Variants in B3GAT2 observed in about 807,000 individuals in gnomAD.
B3GAT2 encodes the protein galactosylgalactosylxylosylprotein 3-beta-glucuronosyltransferase 2.
In B3GAT2, 26 loss-of-function variants were observed where a neutral mutation model predicts 27.8. That is an observed-to-expected ratio of 0.93 (90% confidence interval 0.68 to 1.30). The LOEUF (loss-of-function observed/expected upper bound fraction) is 1.30. Ranked by LOEUF, B3GAT2 falls within the 50% of genes most tolerant of loss-of-function variation. The pLI is 0.00. For synonymous variants in B3GAT2, 218 were observed against 195.1 expected, an observed-to-expected ratio of 1.12 and a Z score of -0.98; for missense variants, 458 against 459.0, an observed-to-expected ratio of 1.00 and a Z score of 0.02.
At position 70,923,099 on chromosome 6, in the gene B3GAT2, A is replaced by G. The variant is rs76505613; in HGVS notation, c.592-28827T>C. ...AAGTACCATATAAGTGTCTTCTGTC[A>G]TCATTGTCATCAGCATCATCATCAA... On this transcript the variant is annotated intron_variant, in intron 1 of 3. Coordinates refer to ENST00000230053, the MANE Select transcript of B3GAT2 (RefSeq NM_080742.3). Among the ~76,000 whole-genome samples, 101 of 152,332 alleles carry G rather than the reference A, an allele frequency of 6.6e-4. No homozygotes were observed. The East Asian group carries it at 0.013, about 20-fold the overall frequency.
At chr6:70,938,897 A>G (rs549489390) in intron 1 of B3GAT2, among the ~76,000 whole-genome samples, 31 of 151,900 alleles carry the variant, frequency 2.0e-4, no homozygotes, top group African/African-American at 5.3e-4. Context: ...AAATTGACAA[A>G]TGGGATCTAA....
At chr6:70,952,949 C>A (rs568270954) in intron 1 of B3GAT2, among the ~76,000 whole-genome samples, 3 of 152,180 alleles carry the variant, frequency 2.0e-5, no homozygotes. Flanking sequence ...AATTTGGAGA[C>A]CTTTCATCCT....
In B3GAT2 at chr6:70,860,773, T is replaced by C. The variant is rs1278364418; in HGVS notation, c.*890A>G. The C allele has an allele frequency of 4.3e-5, 17 of 399,432 alleles. No homozygotes were observed. The East Asian group carries it at 6.1e-4, about 14-fold the overall frequency. The allele number at this position is 399,432 out of a possible 1,614,324, so 24.7% of individuals were successfully genotyped here. A position where few individuals can be genotyped will look rare whatever the true frequency, so the allele number is the denominator to read the frequency against. On this transcript the variant is annotated 3_prime_UTR_variant, in exon 4 of 4. Transcript: ENST00000230053. The stretch of plus-strand genomic sequence containing the variant: ...TTTAATCATATAAATAGAATGTAAA[T>C]GTCTCACTGAGCACTGTTTTCTAGT...
chr6:70,912,301 T>C (rs1772700842), intron 1 of B3GAT2, among the ~76,000 whole-genome samples: 1 of 152,106 alleles, frequency 6.6e-6, no homozygotes, highest in African/African-American at 2.4e-5. Flanking sequence ...TATGTTCCTT[T>C]GATGCCTAGT....
intron 1 of B3GAT2, among the ~76,000 whole-genome samples, chr6:70,915,276 T>A (rs185545778): frequency 6.6e-6 from 1 of 152,254 alleles, no homozygotes; most frequent in Admixed American, 6.5e-5. Flanking sequence ...TGTAAATTTG[T>A]TTAGGTTCTT....
chr6:70,889,257 T>C (rs1329456140), intron 2 of B3GAT2, among the ~76,000 whole-genome samples: 1 of 152,096 alleles, frequency 6.6e-6, no homozygotes, highest in Non-Finnish European at 1.5e-5. Flanking sequence ...TTTCAACACT[T>C]ATCACTTCTT....
intron 1 of B3GAT2, among the ~76,000 whole-genome samples, chr6:70,940,613 T>A (rs1030911034): frequency 3.9e-5 from 6 of 152,098 alleles, no homozygotes; most frequent in African/African-American, 1.4e-4. Flanking sequence ...CACTGGGCCC[T>A]GGGATTACAT....
intron 1 of B3GAT2, among the ~76,000 whole-genome samples, chr6:70,905,171 T>C (rs1015308854): frequency 1.3e-5 from 2 of 152,216 alleles, no homozygotes; most frequent in African/African-American, 4.8e-5. Context: ...GCAACTGCTG[T>C]AGAATAGAAC....
At chr6:70,871,665 A>G (rs1198435494) in intron 2 of B3GAT2, among the ~76,000 whole-genome samples, 1 of 151,832 alleles carries the variant, frequency 6.6e-6, no homozygotes, top group Non-Finnish European at 1.5e-5. Context: ...GTTGGTTTTT[A>G]AAAAACATTT....
At chr6:70,944,740 G>A (rs1030589704) in intron 1 of B3GAT2, among the ~76,000 whole-genome samples, 2 of 152,170 alleles carry the variant, frequency 1.3e-5, no homozygotes, top group South Asian at 2.1e-4. Flanking sequence ...GCACGCAGCT[G>A]GAGATCTGAG....
At chr6:70,938,692 G>C (rs1765337444) in intron 1 of B3GAT2, among the ~76,000 whole-genome samples, 1 of 152,008 alleles carries the variant, frequency 6.6e-6, no homozygotes, top group African/African-American at 2.4e-5. Context: ...GGGAAAACTG[G>C]CTAGCCATAT....
intron 2 of B3GAT2, among the ~76,000 whole-genome samples, chr6:70,877,972 T>C (rs1772040471): frequency 6.6e-6 from 1 of 152,218 alleles, no homozygotes; most frequent in Non-Finnish European, 1.5e-5. Context: ...GTCATCTACT[T>C]GTCAACAGAT....
chr6:70,894,284 GA>G lies in B3GAT2; in HGVS notation c.592-13del. The stretch of plus-strand genomic sequence containing the variant: ...CGGGTGGTTCGCATCTATAAAAAGG[GA>G]AAAGACATGTGTTTTAAGTTTCCTT... On this transcript the variant is annotated splice_polypyrimidine_tract_variant and intron_variant, in intron 1 of 3. Transcript: ENST00000230053. 6.4e-7 allele frequency: 1 copy of G among 1,565,812 alleles called. No homozygotes were observed. Among genetic ancestry groups the G allele is most frequent in the Non-Finnish European group, 8.7e-7 (1 of 1,155,732 alleles).
At chr6:70,888,089 G>A (rs1772220489) in intron 2 of B3GAT2, among the ~76,000 whole-genome samples, 1 of 152,158 alleles carries the variant, frequency 6.6e-6, no homozygotes, top group Admixed American at 6.5e-5. Flanking sequence ...GTGGACACGG[G>A]AGAGGGCAGG....
chr6:70,859,822 A>G lies in B3GAT2; in HGVS notation c.*1841T>C, dbSNP rs907944863. 3.9e-5 allele frequency: 7 copies of G among 181,088 alleles called. No individual in the cohort carries two copies. The highest frequency in any genetic ancestry group is 1.6e-4 in the South Asian group (1 of 6,308). 11.2% of individuals were successfully genotyped at this position (181,088 alleles called of 1,614,324 possible). ...AAGATTTTAATAGAGAATAATATCT[A>G]TCATACAAAGTTTATAGGATAATTT... On this transcript the variant is annotated 3_prime_UTR_variant, in exon 4 of 4. Transcript: ENST00000230053.
Position 70,894,220 on chromosome 6 carries a change from C to A in B3GAT2, c.644G>T (p.Arg215Leu), listed in dbSNP as rs1582360276. 1 of 1,613,714 alleles carries A rather than the reference C, an allele frequency of 6.2e-7. No individual in the cohort carries two copies. Among genetic ancestry groups the A allele is most frequent in the Non-Finnish European group, 8.5e-7 (1 of 1,179,726 alleles). ...SVWPVGLVGG[R>L]RYERPLVENG... Reference sequence around the variant, plus strand: ...TTCCACCAGCGGACGTTCGTAGCGCCGCCCACCAACCAGGCCCACAGGCCA... The same window carrying A: ...TTCCACCAGCGGACGTTCGTAGCGCAGCCCACCAACCAGGCCCACAGGCCA... Residue 215 changes from arginine to leucine, a missense_variant, in exon 2 of 4, where the codon CGG becomes CTG. Physicochemically the swap from Arg to Leu is moderately radical, Grantham distance 102. Coordinates refer to ENST00000230053, the MANE Select transcript of B3GAT2 (RefSeq NM_080742.3).
At chr6:70,944,915 G>A (rs965356748) in intron 1 of B3GAT2, among the ~76,000 whole-genome samples, 30 of 152,250 alleles carry the variant, frequency 2.0e-4, no homozygotes, top group Non-Finnish European at 3.4e-4. Context: ...CGCGGTTCAC[G>A]AAAATACGCT....
At chr6:70,865,830 A>G (rs1010448621) in intron 2 of B3GAT2, among the ~76,000 whole-genome samples, 1 of 152,106 alleles carries the variant, frequency 6.6e-6, no homozygotes, top group Non-Finnish European at 1.5e-5. Flanking sequence ...ACATTGGAAA[A>G]GAGGCACATG....
intron 1 of B3GAT2, among the ~76,000 whole-genome samples, chr6:70,902,093 T>G (rs1259835877): frequency 1.3e-5 from 2 of 152,218 alleles, no homozygotes; most frequent in African/African-American, 2.4e-5. Flanking sequence ...TTGTGAATTC[T>G]GGTATGGACT....
Sources: gnomAD v4.1 joint callset for allele counts (sites outside exome capture counted in the v4.1 genomes callset) on GRCh38, gnomAD v4.1.1 for gene constraint, MANE v1.5 for transcripts, NCBI Gene and HGNC (gene_info 2026-07-23, HGNC 2026-07-21) for gene names.